CFAP61: variants seen among roughly 807,000 people sequenced by gnomAD.
The protein encoded by CFAP61 is cilia- and flagella-associated protein 61.
CFAP61 carries 107 observed loss-of-function variants against 135.6 expected under a neutral mutation model. The ratio of observed to expected loss-of-function variants is 0.79; its 90% CI spans 0.67 to 0.93. The LOEUF (loss-of-function observed/expected upper bound fraction) is 0.93, where lower values mean the gene tolerates loss of function less well. CFAP61 is among the 40% of genes least tolerant of loss of function. The pLI is 0.00. For synonymous variants in CFAP61, 575 were observed against 578.5 expected, an observed-to-expected ratio of 0.99 and a Z score of 0.09; for missense variants, 1,507 against 1,556.2, an observed-to-expected ratio of 0.97 and a Z score of 0.53.
At chr20:20,354,331 G>C (rs1373180018) in intron 26 of CFAP61, among the ~76,000 whole-genome samples, 1 of 151,934 alleles carries the variant, frequency 6.6e-6, no homozygotes. Context: ...GTGAAACCTC[G>C]TCTGTACTAA....
intron 1 of CFAP61, among the ~76,000 whole-genome samples, chr20:20,053,375 A>G (rs1405609992): frequency 6.6e-6 from 1 of 152,218 alleles, no homozygotes; most frequent in Non-Finnish European, 1.5e-5. Context: ...ACTCTTAAAA[A>G]TATCCTCCAC....
intron 25 of CFAP61, among the ~76,000 whole-genome samples, chr20:20,300,816 G>C (rs907882950): frequency 6.6e-6 from 1 of 151,984 alleles, no homozygotes; most frequent in African/African-American, 2.4e-5. Context: ...ATGTTGGCCA[G>C]GCTGGTCTCG....
chr20:20,246,210 C>G lies in CFAP61; in HGVS notation c.2154C>G (p.Ala718=). 3 of 1,604,714 alleles carry G rather than the reference C, an allele frequency of 1.9e-6. No homozygotes were observed. The highest frequency in any genetic ancestry group is 2.6e-6 in the Non-Finnish European group (3 of 1,171,458). ...ACACTGAACAAAGGAAATTTTTAGC[C>G]AGCGAGTATGAATTGTATTTGCTTT... ...LLDTEQRKFL[A]SDHCFNDKDY... The change falls in exon 19 of 27, where the codon GCC becomes GCG. Residue 718 remains alanine, a synonymous_variant. Transcript: ENST00000245957.
chr20:20,103,599 C>T (rs995778366), intron 8 of CFAP61, among the ~76,000 whole-genome samples: 8 of 152,032 alleles, frequency 5.3e-5, no homozygotes, highest in African/African-American at 1.9e-4. Flanking sequence ...TGTAAGATCC[C>T]CTTAAATGCT....
At chr20:20,085,426 A>G in intron 6 of CFAP61, 2 of 1,364,558 alleles carry the variant, frequency 1.5e-6, no homozygotes, top group Non-Finnish European at 2.0e-6. Flanking sequence ...GAATGCATTT[A>G]GCAGAACAAG....
intron 9 of CFAP61, among the ~76,000 whole-genome samples, chr20:20,157,424 T>C (rs2053012399): frequency 6.6e-6 from 1 of 152,184 alleles, no homozygotes; most frequent in South Asian, 2.1e-4. Context: ...GGTGCTAAGG[T>C]CAACAGTAGG....
rs1600309031 is a variant in CFAP61, at chr20:20,056,575, G to A, written c.-36-43G>A. On this transcript the variant is annotated intron_variant, in intron 1 of 26. Transcript: ENST00000245957. ...GGAAATTGAATTAGTGTTCAGTTTT[G>A]TGTGTATTATAACCAAACTGGCTTA... 3.7e-6 allele frequency: 5 copies of A among 1,347,486 alleles called. No homozygotes were observed. In the East Asian group the frequency reaches 1.1e-4, roughly 31 times the overall value. The allele number at this position is 1,347,486 out of a possible 1,614,324, so 83.5% of individuals were successfully genotyped here.
intron 8 of CFAP61, among the ~76,000 whole-genome samples, chr20:20,103,336 A>AT (rs1414114042): frequency 1.3e-5 from 2 of 152,216 alleles, no homozygotes; most frequent in African/African-American, 4.8e-5. Context: ...TGTATAACCT[A>AT]TTACATACTT....
At chr20:20,078,534 C>T (rs2046215289) in intron 6 of CFAP61, among the ~76,000 whole-genome samples, 1 of 152,052 alleles carries the variant, frequency 6.6e-6, no homozygotes, top group South Asian at 2.1e-4. Context: ...GAAATAGAAA[C>T]AGAGGGAGAA....
At chr20:20,251,128 C>T (rs1348148034) in intron 19 of CFAP61, among the ~76,000 whole-genome samples, 1 of 152,144 alleles carries the variant, frequency 6.6e-6, no homozygotes, top group Non-Finnish European at 1.5e-5. Flanking sequence ...AAAGTATTAG[C>T]GAATAGGAAG....
At chr20:20,318,044 T>A (rs2057237251) in intron 25 of CFAP61, among the ~76,000 whole-genome samples, 1 of 152,174 alleles carries the variant, frequency 6.6e-6, no homozygotes, top group South Asian at 2.1e-4. Flanking sequence ...TCTGCTGGGC[T>A]TTTCAGGCCC....
chr20:20,319,509 T>C (rs1210043862), intron 25 of CFAP61, among the ~76,000 whole-genome samples: 1 of 152,190 alleles, frequency 6.6e-6, no homozygotes, highest in African/African-American at 2.4e-5. Flanking sequence ...TCATGAGATG[T>C]GGTTGTTTAA....
chr20:20,197,348 A>T (rs975186409), intron 16 of CFAP61, among the ~76,000 whole-genome samples: 1 of 152,200 alleles, frequency 6.6e-6, no homozygotes, highest in Non-Finnish European at 1.5e-5. Flanking sequence ...ATGTGTATAC[A>T]TGGTGTGTAT....
chr20:20,198,509 C>A (rs1428580150), intron 16 of CFAP61, among the ~76,000 whole-genome samples: 1 of 152,144 alleles, frequency 6.6e-6, no homozygotes, highest in East Asian at 1.9e-4. Context: ...TCTGCCCTTC[C>A]AGTTGATTTC....
chr20:20,356,116 T>TGG (rs1393468714), intron 26 of CFAP61, among the ~76,000 whole-genome samples: 1 of 3,664 alleles, frequency 2.7e-4, no homozygotes, highest in Admixed American at 7.9e-3. Flanking sequence ...GTGGTCACAC[T>TGG]GAGGGGAGGT....
chr20:20,079,446 T>G (rs113122913), intron 6 of CFAP61, among the ~76,000 whole-genome samples: 1,751 of 152,190 alleles, frequency 0.012, 37 homozygotes, highest in African/African-American at 0.04. Flanking sequence ...TTTTTTTTCC[T>G]TTTTGCTGGA....
intron 1 of CFAP61, chr20:20,055,838 A>G: frequency 2.5e-6 from 2 of 808,346 alleles, no homozygotes; most frequent in East Asian, 5.0e-5. Flanking sequence ...ACTGGCTAGT[A>G]TATAATAAAA....
At chr20:20,152,059 T>G (rs2052481703) in intron 9 of CFAP61, among the ~76,000 whole-genome samples, 1 of 152,128 alleles carries the variant, frequency 6.6e-6, no homozygotes, top group Admixed American at 6.5e-5. Flanking sequence ...TTGGGTCCTA[T>G]CTTTAGCTCC....
At chr20:20,239,726 G>A (rs940352766) in intron 18 of CFAP61, among the ~76,000 whole-genome samples, 1 of 152,182 alleles carries the variant, frequency 6.6e-6, no homozygotes, top group African/African-American at 2.4e-5. Flanking sequence ...TAATGAGTCT[G>A]ATCTGCAGCT....
Sources: gnomAD v4.1 joint callset for allele counts (sites outside exome capture counted in the v4.1 genomes callset) on GRCh38, gnomAD v4.1.1 for gene constraint, MANE v1.5 for transcripts, NCBI Gene and HGNC (gene_info 2026-07-23, HGNC 2026-07-21) for gene names.